Variants in DNAH14 observed in about 807,000 individuals in gnomAD.
DNAH14 encodes dynein axonemal heavy chain 14.
DNAH14 carries 478 observed loss-of-function variants against 520.9 expected under a neutral mutation model. The ratio of observed to expected loss-of-function variants is 0.92; its 90% CI spans 0.85 to 0.99. The LOEUF is 0.99. Among genes scored for constraint, DNAH14 ranks in the 50% least tolerant of loss-of-function variants. The probability of loss-of-function intolerance (pLI) is 0.00; values close to 1 mark genes in which losing one functional copy is unlikely to be tolerated. For synonymous variants in DNAH14, 1,581 were observed against 1,757.2 expected (o/e 0.90, Z 2.51); for missense variants, 4,831 against 5,234.5 (o/e 0.92, Z 2.38).
rs116814986 is a variant in DNAH14 at position 224,939,001 on chromosome 1, T to C, written c.-34+9166T>C. On this transcript the variant is annotated intron_variant, in intron 1 of 85. Coordinates refer to ENST00000682510, the MANE Select transcript of DNAH14 (RefSeq NM_001367479.1). ...AAAAGTGGCTCTCGTGCAAATAGAGTAGAATGGTAGTTACCAGAGGCCGGT... is the reference window on the plus strand; with the variant it reads ...AAAAGTGGCTCTCGTGCAAATAGAGCAGAATGGTAGTTACCAGAGGCCGGT... Among the ~76,000 whole-genome samples the C allele has an allele frequency of 4.3e-3, 654 of 151,606 alleles. 3 individuals carry two copies. Among genetic ancestry groups the C allele is most frequent in the African/African-American group, 0.015 (622 of 41,300 alleles).
In DNAH14 at chr1:225,054,304, A is replaced by G. The variant is rs368191787; in HGVS notation, c.2424+2509A>G. Reference sequence around the variant, plus strand: ...TTGGAGGCTTGACTGTTATTAATACATGGGGACTTGATATTTAAATTATGG... The same window carrying G: ...TTGGAGGCTTGACTGTTATTAATACGTGGGGACTTGATATTTAAATTATGG... On this transcript the variant is annotated intron_variant, in intron 17 of 85. Transcript: ENST00000682510. 7.2e-5 allele frequency among the ~76,000 whole-genome samples: 11 copies of G among 152,194 alleles called. No individual in the cohort carries two copies. The East Asian group carries it at 1.5e-3, about 21-fold the overall frequency.
At chr1:225,168,076 G>T in intron 36 of DNAH14, 48 bp downstream of exon 36, 1 of 1,098,400 alleles carries the variant, frequency 9.1e-7, no homozygotes, top group Non-Finnish European at 1.3e-6. Flanking sequence ...TATTTCAATA[G>T]GAATTAATAA....
At position 225,043,768 on chromosome 1, in the gene DNAH14, A is replaced by T. The variant is rs1003814702; in HGVS notation, c.1793A>T (p.Glu598Val). 6.8e-7 allele frequency: 1 copy of T among 1,467,980 alleles called. No individual in the cohort carries two copies. Among genetic ancestry groups the T allele is most frequent in the South Asian group, 1.2e-5 (1 of 81,098 alleles). 90.9% of individuals were successfully genotyped at this position (1,467,980 alleles called of 1,614,324 possible). ...ISDTEIETEF[E>V]NKYMYYEFPE... The stretch of plus-strand genomic sequence containing the variant: ...GACACAGAAATTGAGACTGAGTTTG[A>T]GAATAAATACATGTATTATGAGTAA... The change falls in exon 14 of 86, where the codon GAG (glutamate) becomes GTG (valine). Residue 598 changes from glutamate (E) to valine (V), a missense_variant. Coordinates refer to ENST00000682510, the MANE Select transcript of DNAH14 (RefSeq NM_001367479.1).
At position 225,399,277 on chromosome 1, in the gene DNAH14, T is replaced by C. The variant is rs1255707429; in HGVS notation, c.*8T>C. On this transcript the variant is annotated 3_prime_UTR_variant, in exon 86 of 86. Coordinates refer to ENST00000682510, the MANE Select transcript of DNAH14 (RefSeq NM_001367479.1). ...GAGAAGAATGAAAAATAAATGTCCA[T>C]ATCAAACCATTTTAATTTTTGACTC... The C allele has an allele frequency of 1.3e-6, 2 of 1,542,928 alleles. No homozygotes were observed. The highest frequency in any genetic ancestry group is 1.4e-5 in the African/African-American group (1 of 72,702).
intron 1 of DNAH14, among the ~76,000 whole-genome samples, chr1:224,939,518 T>TA (rs979704950): frequency 2.0e-5 from 3 of 151,806 alleles, no homozygotes; most frequent in African/African-American, 7.3e-5. Flanking sequence ...AAAATAAATT[T>TA]AAAAAAACAC....
intron 8 of DNAH14, among the ~76,000 whole-genome samples, chr1:224,975,116 G>C (rs571928114): frequency 6.6e-6 from 1 of 151,800 alleles, no homozygotes; most frequent in South Asian, 2.1e-4. Flanking sequence ...TGTGCTGCTG[G>C]ATTCGGTTTG....
At chr1:225,338,932 C>T (rs1558452689) in intron 68 of DNAH14, among the ~76,000 whole-genome samples, 1 of 152,110 alleles carries the variant, frequency 6.6e-6, no homozygotes, top group Non-Finnish European at 1.5e-5. Context: ...ACTCTTAAAC[C>T]TGTTGGTCGC....
intron 60 of DNAH14, among the ~76,000 whole-genome samples, chr1:225,309,596 A>G (rs2094316906): frequency 1.3e-5 from 2 of 152,106 alleles, no homozygotes; most frequent in African/African-American, 4.8e-5. Flanking sequence ...TGATCAATAT[A>G]TTAAATATGA....
In DNAH14 at chr1:225,392,759, A is replaced by T. The variant is rs193104512; in HGVS notation, c.13491+308A>T. The stretch of plus-strand genomic sequence containing the variant: ...CTGCTGAGGTCAGCATCAAAAGGTG[A>T]TATTTTAAATCAGTGGGCAAACCTG... On this transcript the variant is annotated intron_variant, in intron 84 of 85. Coordinates refer to ENST00000682510, the MANE Select transcript of DNAH14 (RefSeq NM_001367479.1). 3.4e-3 allele frequency among the ~76,000 whole-genome samples: 521 copies of T among 152,336 alleles called. 14 individuals carry two copies. The highest frequency in any genetic ancestry group is 0.03 in the Admixed American group (454 of 15,304).
At chr1:225,042,465 TAG>T (rs2067565879) in intron 12 of DNAH14, among the ~76,000 whole-genome samples, 1 of 152,146 alleles carries the variant, frequency 6.6e-6, no homozygotes, top group Non-Finnish European at 1.5e-5. Context: ...AGGTGCACAA[TAG>T]AGTCACCTGT....
chr1:224,953,831 G>C (rs79357061), intron 2 of DNAH14, among the ~76,000 whole-genome samples: 8,381 of 151,978 alleles, frequency 0.055, 468 homozygotes, highest in East Asian at 0.23. Flanking sequence ...ACTTGTAAAA[G>C]GTAAAACTTT....
chr1:225,278,311 A>G (rs2093541474), intron 54 of DNAH14, among the ~76,000 whole-genome samples: 2 of 152,212 alleles, frequency 1.3e-5, no homozygotes, highest in Admixed American at 1.3e-4. Flanking sequence ...CCTGGGAGTC[A>G]CTCAGTTTTG....
At chr1:225,258,764 A>T (rs2092827784) in intron 45 of DNAH14, among the ~76,000 whole-genome samples, 2 of 152,176 alleles carry the variant, frequency 1.3e-5, no homozygotes, top group Non-Finnish European at 2.9e-5. Flanking sequence ...ACTCTGATTG[A>T]ACAAAAAGTT....
intron 44 of DNAH14, among the ~76,000 whole-genome samples, chr1:225,257,757 G>A (rs988634561): frequency 8.6e-5 from 13 of 151,592 alleles, no homozygotes; most frequent in Non-Finnish European, 1.9e-4. Flanking sequence ...GGATGGTCTC[G>A]ATCTCCTGAA....
At chr1:225,249,552 TAAG>T (rs2092453735) in intron 43 of DNAH14, among the ~76,000 whole-genome samples, 1 of 152,152 alleles carries the variant, frequency 6.6e-6, no homozygotes. Flanking sequence ...GAAGGGAACC[TAAG>T]AAGAACAAAA....
At chr1:225,206,305 A>C (rs765853006) in intron 40 of DNAH14, 126 bp downstream of exon 40, 9 of 837,022 alleles carry the variant, frequency 1.1e-5, no homozygotes, top group Non-Finnish European at 1.4e-5. Context: ...TGAACTCAAT[A>C]GTTTCAAATC....
rs543564865 is a variant in DNAH14 at position 225,378,233 on chromosome 1, C to A, written c.12716+797C>A. Among the ~76,000 whole-genome samples, 6 of 152,028 alleles carry A rather than the reference C, an allele frequency of 3.9e-5. No individual in the cohort carries two copies. In the South Asian group the frequency reaches 1.2e-3, roughly 32 times the overall value. ...TTTGAGAGGCTATAATTATCCCAGT[C>A]TTGCTGCCTTTGCTTATTAGAGACT... On this transcript the variant is annotated intron_variant, in intron 79 of 85. Transcript: ENST00000682510.
intron 7 of DNAH14, 111 bp downstream of exon 7, chr1:224,968,985 A>G (rs2061352464): frequency 1.5e-6 from 1 of 673,178 alleles, no homozygotes; most frequent in African/African-American, 1.9e-5. Context: ...AAATAGTACT[A>G]ATTCTTTTAT....
chr1:225,293,087 ATAGT>A (rs770578944), intron 55 of DNAH14, among the ~76,000 whole-genome samples: 19 of 152,314 alleles, frequency 1.2e-4, no homozygotes, highest in Non-Finnish European at 2.1e-4. Context: ...AACATCACTG[ATAGT>A]TAGAGAAATG....
Sources: allele counts gnomAD v4.1 joint callset (sites outside exome capture counted in the v4.1 genomes callset), GRCh38; gene constraint gnomAD v4.1.1; transcripts MANE v1.5; gene names NCBI Gene and HGNC (gene_info 2026-07-23, HGNC 2026-07-21).